The following ASIC2 variants were observed in gnomAD, a reference collection of about 807,000 sequenced individuals.
The protein encoded by ASIC2 is acid-sensing ion channel 2.
ASIC2 carries 25 observed loss-of-function variants against 57.3 expected under a neutral mutation model. The observed-to-expected ratio is 0.44, with a 90% confidence interval of 0.32 to 0.61. The LOEUF is 0.61. Among genes scored for constraint, ASIC2 ranks in the 20% least tolerant of loss-of-function variants. The probability of loss-of-function intolerance (pLI) is 0.06; values close to 1 mark genes in which losing one functional copy is unlikely to be tolerated. For synonymous variants in ASIC2, 319 were observed against 307.5 expected, an observed-to-expected ratio of 1.04 and a Z score of -0.39; for missense variants, 641 against 738.1, an observed-to-expected ratio of 0.87 and a Z score of 1.52.
intron 2 of ASIC2, among the ~76,000 whole-genome samples, chr17:33,102,883 A>C (rs2092217562): frequency 6.6e-6 from 1 of 152,096 alleles, no homozygotes. Flanking sequence ...TTCCAGGTTC[A>C]CGCCATTCTC....
chr17:33,096,989 G>C (rs925295800), intron 2 of ASIC2, among the ~76,000 whole-genome samples: 1 of 152,204 alleles, frequency 6.6e-6, no homozygotes, highest in African/African-American at 2.4e-5. Flanking sequence ...TTAGAGGTAG[G>C]TGCCCCCATT....
intron 1 of ASIC2, among the ~76,000 whole-genome samples, chr17:33,285,734 G>T (rs1905131772): frequency 6.6e-6 from 1 of 152,184 alleles, no homozygotes; most frequent in Non-Finnish European, 1.5e-5. Context: ...GTCACCTGCT[G>T]AGTCTGTGAC....
intron 1 of ASIC2, among the ~76,000 whole-genome samples, chr17:34,128,506 A>C (rs1911856098): frequency 6.6e-6 from 1 of 152,164 alleles, no homozygotes; most frequent in African/African-American, 2.4e-5. Context: ...GGGCCTGTTT[A>C]TGTCACTGCA....
At chr17:33,861,615 G>A (rs1034336253) in intron 1 of ASIC2, among the ~76,000 whole-genome samples, 4 of 152,200 alleles carry the variant, frequency 2.6e-5, no homozygotes, top group African/African-American at 9.7e-5. Flanking sequence ...CACCAGCTCA[G>A]GAACTTTGAA....
intron 1 of ASIC2, among the ~76,000 whole-genome samples, chr17:33,406,301 G>C (rs1910471959): frequency 1.3e-5 from 2 of 152,282 alleles, no homozygotes; most frequent in African/African-American, 4.8e-5. Context: ...AGAACATTAA[G>C]GTGCTGTGTC....
chr17:33,101,239 T>G (rs2092211002), intron 2 of ASIC2, among the ~76,000 whole-genome samples: 1 of 152,214 alleles, frequency 6.6e-6, no homozygotes, highest in Non-Finnish European at 1.5e-5. Context: ...CCACGCTTGT[T>G]CTGCCCCATT....
chr17:34,101,015 A>G (rs1910844726), intron 1 of ASIC2, among the ~76,000 whole-genome samples: 1 of 152,218 alleles, frequency 6.6e-6, no homozygotes, highest in African/African-American at 2.4e-5. Context: ...AACCTACTTC[A>G]TAGAGTTTCT....
chr17:33,487,722 G>A (rs1913619986), intron 1 of ASIC2, among the ~76,000 whole-genome samples: 1 of 152,192 alleles, frequency 6.6e-6, no homozygotes, highest in South Asian at 2.1e-4. Context: ...TGCCAGCGTG[G>A]CCAGAATAAA....
At chr17:33,382,381 C>T (rs7226138) in intron 1 of ASIC2, among the ~76,000 whole-genome samples, 15,560 of 152,152 alleles carry the variant, frequency 0.1, 901 homozygotes, top group Middle Eastern at 0.13. Flanking sequence ...ACTATGGATA[C>T]GGTGGGAGGC....
At chr17:33,563,479 C>T (rs1375390338) in intron 1 of ASIC2, among the ~76,000 whole-genome samples, 1 of 152,194 alleles carries the variant, frequency 6.6e-6, no homozygotes, top group Non-Finnish European at 1.5e-5. Flanking sequence ...TCTACCTCCT[C>T]CTGCTCCCCA....
At chr17:33,537,047 A>T (rs781549437) in intron 1 of ASIC2, among the ~76,000 whole-genome samples, 1 of 152,212 alleles carries the variant, frequency 6.6e-6, no homozygotes, top group Non-Finnish European at 1.5e-5. Flanking sequence ...ACACCACATC[A>T]CTTCCCTGCC....
intron 1 of ASIC2, among the ~76,000 whole-genome samples, chr17:33,784,970 T>C (rs1018013826): frequency 6.6e-6 from 1 of 152,216 alleles, no homozygotes; most frequent in Admixed American, 6.5e-5. Context: ...ATATATTGTG[T>C]CTGATTAGTG....
intron 3 of ASIC2, among the ~76,000 whole-genome samples, chr17:33,039,335 C>G (rs1044456392): frequency 6.6e-6 from 1 of 152,198 alleles, no homozygotes; most frequent in African/African-American, 2.4e-5. Context: ...CTCAGCCTTG[C>G]CTGGCCTGGC....
chr17:33,146,029 T>C (rs751071251), intron 1 of ASIC2, among the ~76,000 whole-genome samples: 3 of 152,238 alleles, frequency 2.0e-5, no homozygotes, highest in Admixed American at 6.5e-5. Context: ...CATTTCCTGC[T>C]CTTAGCACCC....
chr17:33,573,441 C>T (rs1026617922), intron 1 of ASIC2, among the ~76,000 whole-genome samples: 1 of 152,226 alleles, frequency 6.6e-6, no homozygotes, highest in African/African-American at 2.4e-5. Flanking sequence ...ACCTTCCCTC[C>T]TCAGAGATAA....
chr17:33,950,633 C>T, intron 1 of ASIC2, among the ~76,000 whole-genome samples: 1 of 152,320 alleles, frequency 6.6e-6, no homozygotes, highest in African/African-American at 2.4e-5. Flanking sequence ...TCCCCATGCC[C>T]ACTGCCTTGG....
At chr17:34,129,755 A>G (rs1437960725) in intron 1 of ASIC2, among the ~76,000 whole-genome samples, 1 of 152,220 alleles carries the variant, frequency 6.6e-6, no homozygotes, top group Non-Finnish European at 1.5e-5. Flanking sequence ...GAATACCTAA[A>G]ACAGGGCATA....
intron 1 of ASIC2, among the ~76,000 whole-genome samples, chr17:33,497,494 A>G (rs1271690099): frequency 6.6e-6 from 1 of 152,148 alleles, no homozygotes; most frequent in Non-Finnish European, 1.5e-5. Flanking sequence ...CGAAGGAAAG[A>G]GCTGGCAAAC....
In ASIC2 at chr17:33,662,418, T is replaced by C. The variant is rs190638766; in HGVS notation, c.555+493560A>G. 8.1e-3 allele frequency among the ~76,000 whole-genome samples: 1,237 copies of C among 151,970 alleles called. 14 individuals carry two copies. The highest frequency in any genetic ancestry group is 0.028 in the African/African-American group (1,175 of 41,408). On this transcript the variant is annotated intron_variant, in intron 1 of 9. Coordinates refer to the ASIC2 transcript ENST00000359872. ...GACAGATCACTTGAGGTCAGGAGTT[T>C]GAGACCAGCCTGGCCAACAAAGTGA...
Sources: gnomAD v4.1 joint callset for allele counts (sites outside exome capture counted in the v4.1 genomes callset) on GRCh38, gnomAD v4.1.1 for gene constraint, MANE v1.5 for transcripts, NCBI Gene and HGNC (gene_info 2026-07-23, HGNC 2026-07-21) for gene names.